The following DCAF5 variants were observed in gnomAD, a reference collection of about 807,000 sequenced individuals.
DCAF5 encodes DDB1- and CUL4-associated factor 5.
In DCAF5, 9 loss-of-function variants were observed where a neutral mutation model predicts 80.7. The observed-to-expected ratio is 0.11, with a 90% CI of 0.07 to 0.19. The LOEUF (loss-of-function observed/expected upper bound fraction) is 0.19, where lower values mean the gene tolerates loss of function less well. Among genes scored for constraint, DCAF5 ranks in the 10% least tolerant of loss-of-function variants. The pLI is 1.00. For synonymous variants in DCAF5, 433 were observed against 461.9 expected (o/e 0.94, Z 0.80); for missense variants, 842 against 1,205.7 (o/e 0.70, Z 4.47).
chr14:69,114,401 G>A (rs2040475141), intron 5 of DCAF5, among the ~76,000 whole-genome samples: 2 of 152,114 alleles, frequency 1.3e-5, no homozygotes, highest in South Asian at 4.1e-4. Context: ...ATCTGTTAGT[G>A]TTGGTATGAA....
Position 69,118,058 on chromosome 14 carries a change from G to A in DCAF5, c.535+81C>T. ...TTGACATCACTTGCACATAGATACT[G>A]AGGTAATAAATTGGATCTTCAATGA... is the stretch of plus-strand genomic sequence containing the variant. On this transcript the variant is annotated intron_variant, in intron 4 of 8. Coordinates refer to ENST00000341516, the MANE Select transcript of DCAF5 (RefSeq NM_003861.3). This position sits in a 1 kb window ranked among gnomAD's most constrained non-coding sequence, Gnocchi z 4.0. 1 of 1,557,522 alleles carries A rather than the reference G, an allele frequency of 6.4e-7. No individual in the cohort carries two copies. Among genetic ancestry groups the A allele is most frequent in the Non-Finnish European group, 8.8e-7 (1 of 1,136,406 alleles).
At chr14:69,097,507 T>C (rs1003253003) in intron 5 of DCAF5, among the ~76,000 whole-genome samples, 1 of 151,982 alleles carries the variant, frequency 6.6e-6, no homozygotes, top group Non-Finnish European at 1.5e-5. Context: ...TACTTTCTAT[T>C]CTATATTTTT....
chr14:69,107,714 C>A (rs2040212246), intron 5 of DCAF5, among the ~76,000 whole-genome samples: 1 of 152,136 alleles, frequency 6.6e-6, no homozygotes, highest in Non-Finnish European at 1.5e-5. Flanking sequence ...AGGATTTATT[C>A]CTGAGATACA....
At chr14:69,079,686 T>C (rs184122641) in intron 6 of DCAF5, among the ~76,000 whole-genome samples, 43 of 152,266 alleles carry the variant, frequency 2.8e-4, no homozygotes, top group Admixed American at 2.1e-3. Flanking sequence ...ATGTCTAATA[T>C]GTGTTAGGCA....
chr14:69,149,921 A>C (rs2041651439), intron 1 of DCAF5, among the ~76,000 whole-genome samples: 1 of 152,246 alleles, frequency 6.6e-6, no homozygotes, highest in African/African-American at 2.4e-5. Context: ...ACTAGTTTTA[A>C]ACGTGGGAAA....
chr14:69,059,706 C>A (rs923222928), intron 8 of DCAF5, among the ~76,000 whole-genome samples: 1 of 152,174 alleles, frequency 6.6e-6, no homozygotes, highest in Non-Finnish European at 1.5e-5. Context: ...CCATTCCCAG[C>A]CAGACTGTGA....
chr14:69,063,443 G>A (rs1426254793), intron 7 of DCAF5, among the ~76,000 whole-genome samples: 1 of 152,198 alleles, frequency 6.6e-6, no homozygotes, highest in Non-Finnish European at 1.5e-5. Context: ...AGAGAAACAT[G>A]TGCATTTGGC....
chr14:69,075,346 T>C lies in DCAF5; in HGVS notation c.945A>G (p.Ala315=), dbSNP rs1297527481. Residue 315 remains alanine, a splice_region_variant and synonymous_variant, in exon 7 of 9, where the codon GCA becomes GCG. Transcript: ENST00000341516. ...YMWRIPADPE[A]GGIGRVVNGA... is the part of the protein sequence containing the mutation. ...CATTCATGTGAAGGATATACTTGCC[T>C]GCTTCTGGATCTGCAGGAATTCTCC... 2.5e-6 allele frequency: 4 copies of C among 1,605,246 alleles called. No homozygotes were observed. Among genetic ancestry groups the C allele is most frequent in the Non-Finnish European group, 3.4e-6 (4 of 1,174,008 alleles).
At chr14:69,130,062 G>C (rs1479215670) in intron 1 of DCAF5, among the ~76,000 whole-genome samples, 1 of 152,114 alleles carries the variant, frequency 6.6e-6, no homozygotes, top group Non-Finnish European at 1.5e-5. Flanking sequence ...AAAGGGTCCC[G>C]AGCTATAAGC....
chr14:69,059,043 G>A (rs946594801), intron 8 of DCAF5, among the ~76,000 whole-genome samples: 4 of 152,120 alleles, frequency 2.6e-5, no homozygotes, highest in Non-Finnish European at 5.9e-5. Flanking sequence ...TCATAAAAAT[G>A]GAAAGCAATT....
intron 7 of DCAF5, among the ~76,000 whole-genome samples, chr14:69,063,766 G>A (rs556010654): frequency 9.0e-4 from 137 of 152,292 alleles, no homozygotes; most frequent in Non-Finnish European, 1.5e-3. Context: ...TCTCATGGAA[G>A]AGATACCTCC....
At chr14:69,131,913 A>G (rs1252186872) in intron 1 of DCAF5, among the ~76,000 whole-genome samples, 1 of 152,082 alleles carries the variant, frequency 6.6e-6, no homozygotes, top group Non-Finnish European at 1.5e-5. Flanking sequence ...CCCCCTAGAC[A>G]CCATTCACTT....
At chr14:69,101,544 G>C (rs1283468348) in intron 5 of DCAF5, among the ~76,000 whole-genome samples, 1 of 152,178 alleles carries the variant, frequency 6.6e-6, no homozygotes, top group Non-Finnish European at 1.5e-5. Flanking sequence ...TGACGCAACA[G>C]AGAGTCAAAG....
In DCAF5 at chr14:69,122,243, C is replaced by A; in HGVS notation, c.332G>T (p.Ser111Ile). 1 of 1,613,914 alleles carries A rather than the reference C, an allele frequency of 6.2e-7. No individual in the cohort carries two copies. Among genetic ancestry groups the A allele is most frequent in the Non-Finnish European group, 8.5e-7 (1 of 1,179,848 alleles). Residue 111 changes from serine to isoleucine, a missense_variant, in exon 2 of 9, where the codon AGT (serine) becomes ATT (isoleucine). Around this residue, in one of 5 missense-constraint regions of DCAF5, gnomAD observed 142 missense variants for 311.9 expected, o/e 0.46. Transcript: ENST00000341516. The stretch of plus-strand genomic sequence containing the variant: ...TCCAGAGAACACTTTAGTGTTCCCA[C>A]TGTTGAAAGCCAGGCAAAAAATGTT... Reference protein sequence around the residue: ...HSNIFCLAFNSGNTKVFSGGN... With the variant: ...HSNIFCLAFNIGNTKVFSGGN...
chr14:69,067,718 C>T (rs986449780), intron 7 of DCAF5, among the ~76,000 whole-genome samples: 1 of 151,654 alleles, frequency 6.6e-6, no homozygotes, highest in African/African-American at 2.4e-5. Context: ...CTCACTGCAA[C>T]CTTCACCTCC....
chr14:69,075,422 A>G lies in DCAF5; in HGVS notation c.880-11T>C. ...GCCCGAAAGGATATACTGTTGGAACAAAAAATATATAGATAACATTATATA... is the reference window on the plus strand; with the variant it reads ...GCCCGAAAGGATATACTGTTGGAACGAAAAATATATAGATAACATTATATA... On this transcript the variant is annotated splice_polypyrimidine_tract_variant and intron_variant, in intron 6 of 8. Coordinates refer to ENST00000341516, the MANE Select transcript of DCAF5 (RefSeq NM_003861.3). 6.5e-7 allele frequency: 1 copy of G among 1,543,034 alleles called. No individual in the cohort carries two copies. The highest frequency in any genetic ancestry group is 8.9e-7 in the Non-Finnish European group (1 of 1,128,448).
At chr14:69,066,382 G>T (rs544804185) in intron 7 of DCAF5, among the ~76,000 whole-genome samples, 1 of 152,154 alleles carries the variant, frequency 6.6e-6, no homozygotes, top group South Asian at 2.1e-4. Context: ...TAATCTGCCC[G>T]CCTTGGCCTC....
intron 5 of DCAF5, among the ~76,000 whole-genome samples, chr14:69,094,680 C>T (rs955309734): frequency 6.6e-6 from 1 of 152,014 alleles, no homozygotes; most frequent in African/African-American, 2.4e-5. Flanking sequence ...TCTGGTTTGC[C>T]GGGAAGGCAA....
chr14:69,072,643 A>C (rs918644707), intron 7 of DCAF5, among the ~76,000 whole-genome samples: 3 of 139,568 alleles, frequency 2.1e-5, no homozygotes, highest in Non-Finnish European at 4.7e-5. Flanking sequence ...AAAAAAAAAA[A>C]AACGAGAGAA....
Sources: gnomAD v4.1 joint callset for allele counts (sites outside exome capture counted in the v4.1 genomes callset) on GRCh38, gnomAD v4.1.1 for gene constraint, gnomAD v4.1.1 regional missense constraint, Gnocchi (gnomAD v3.1) non-coding constraint, MANE v1.5 for transcripts, NCBI Gene and HGNC (gene_info 2026-07-23, HGNC 2026-07-21) for gene names.